CDK19: variants seen among roughly 807,000 people sequenced by gnomAD.
CDK19 encodes cyclin-dependent kinase 19.
Under a neutral mutation model 68.3 loss-of-function variants are expected in CDK19, and 20 were observed. The observed-to-expected ratio is 0.29, with a 90% confidence interval of 0.21 to 0.43. The LOEUF (loss-of-function observed/expected upper bound fraction) is 0.43, where lower values mean the gene tolerates loss of function less well. Among genes scored for constraint, CDK19 ranks in the 20% least tolerant of loss-of-function variants. CDK19 has a pLI of 1.00. For missense variants in CDK19, 339 were observed against 623.5 expected (o/e 0.54, Z 4.86); for synonymous variants, 221 against 222.8 (o/e 0.99, Z 0.07).
intron 1 of CDK19, among the ~76,000 whole-genome samples, chr6:110,792,691 C>T (rs1021825140): frequency 3.3e-5 from 5 of 152,196 alleles, no homozygotes; most frequent in African/African-American, 1.2e-4. Flanking sequence ...ATGGCGAATA[C>T]TTTTTTATAA....
chr6:110,692,496 T>C (rs1773090371), intron 2 of CDK19, among the ~76,000 whole-genome samples: 1 of 151,226 alleles, frequency 6.6e-6, no homozygotes, highest in Non-Finnish European at 1.5e-5. Flanking sequence ...TTATGTAAAA[T>C]AGGCAAAGGT....
rs1353149320 is a variant in CDK19 at position 110,739,399 on chromosome 6, C to T, written c.204+6727G>A. Among the ~76,000 whole-genome samples, 3 of 152,090 alleles carry T rather than the reference C, an allele frequency of 2.0e-5. No individual in the cohort carries two copies. In the East Asian group the frequency reaches 5.8e-4, roughly 29 times the overall value. On this transcript the variant is annotated intron_variant, in intron 2 of 12. Coordinates refer to ENST00000368911, the MANE Select transcript of CDK19 (RefSeq NM_015076.5). ...TGAATGGGCCAGACACTGAATGGGCCTTGATCCTGGACTTCCCAGCCTCCA... is the reference window on the plus strand; with the variant it reads ...TGAATGGGCCAGACACTGAATGGGCTTTGATCCTGGACTTCCCAGCCTCCA...
intron 1 of CDK19, among the ~76,000 whole-genome samples, chr6:110,781,184 G>A (rs1780788521): frequency 1.3e-5 from 2 of 152,120 alleles, no homozygotes; most frequent in African/African-American, 4.8e-5. Flanking sequence ...TAAGAAACAT[G>A]GCACCAGCAT....
intron 1 of CDK19, among the ~76,000 whole-genome samples, chr6:110,788,399 C>A (rs1271602980): frequency 6.6e-6 from 1 of 152,030 alleles, no homozygotes; most frequent in Non-Finnish European, 1.5e-5. Flanking sequence ...CTCAAGAGAT[C>A]CTCCTGCCTC....
At chr6:110,669,924 G>A (rs947241716) in intron 3 of CDK19, among the ~76,000 whole-genome samples, 4 of 151,960 alleles carry the variant, frequency 2.6e-5, no homozygotes, top group African/African-American at 4.8e-5. Context: ...TTGGGAGGCC[G>A]AGGTGAGCAG....
chr6:110,716,402 A>C (rs1356534624), intron 2 of CDK19, among the ~76,000 whole-genome samples: 1 of 152,112 alleles, frequency 6.6e-6, no homozygotes, highest in East Asian at 1.9e-4. Flanking sequence ...TATTTTATCA[A>C]ACTTTAATTG....
At chr6:110,643,366 A>T in intron 4 of CDK19, 4 of 372,922 alleles carry the variant, frequency 1.1e-5, no homozygotes, top group South Asian at 8.6e-5. Flanking sequence ...AACTATGGTA[A>T]CATCAGATAA....
chr6:110,617,967 T>G (rs762383869), intron 12 of CDK19, among the ~76,000 whole-genome samples: 1 of 146,590 alleles, frequency 6.8e-6, no homozygotes, highest in Non-Finnish European at 1.5e-5. Flanking sequence ...AATCACACAC[T>G]CACCAGCACC....
At chr6:110,682,375 TAGG>T (rs1772093020) in intron 2 of CDK19, among the ~76,000 whole-genome samples, 1 of 152,296 alleles carries the variant, frequency 6.6e-6, no homozygotes, top group South Asian at 2.1e-4. Context: ...TTATGGCAAA[TAGG>T]AGATTTGCCT....
chr6:110,790,390 C>G (rs1781506024), intron 1 of CDK19, among the ~76,000 whole-genome samples: 1 of 152,014 alleles, frequency 6.6e-6, no homozygotes, highest in Admixed American at 6.6e-5. Flanking sequence ...GAAAAATTAG[C>G]CCAGCGTGGT....
At chr6:110,814,927 T>C (rs771273599) in intron 1 of CDK19, 82 bp downstream of exon 1, 25 of 1,574,014 alleles carry the variant, frequency 1.6e-5, no homozygotes, top group Middle Eastern at 1.7e-4. Context: ...ACGGCCCGAC[T>C]GGGATCCGAC....
chr6:110,650,502 C>T (rs151252399), intron 4 of CDK19, among the ~76,000 whole-genome samples: 4 of 152,092 alleles, frequency 2.6e-5, no homozygotes, highest in Admixed American at 6.5e-5. Flanking sequence ...CATATAATAA[C>T]AAAGACAAAA....
At chr6:110,696,437 C>T (rs1040133654) in intron 2 of CDK19, among the ~76,000 whole-genome samples, 2 of 152,180 alleles carry the variant, frequency 1.3e-5, no homozygotes, top group Non-Finnish European at 2.9e-5. Context: ...AAAACTGGAA[C>T]AAGACAAGGA....
intron 2 of CDK19, among the ~76,000 whole-genome samples, chr6:110,737,011 C>T (rs1411878215): frequency 6.6e-6 from 1 of 152,168 alleles, no homozygotes; most frequent in Non-Finnish European, 1.5e-5. Flanking sequence ...TACTGATGTA[C>T]TCAGTAGGGA....
At chr6:110,794,705 A>G (rs540144935) in intron 1 of CDK19, among the ~76,000 whole-genome samples, 3 of 152,022 alleles carry the variant, frequency 2.0e-5, no homozygotes, top group South Asian at 2.1e-4. Flanking sequence ...GCCTGGCCTG[A>G]TATTTTTTAA....
At chr6:110,648,065 G>A (rs1780722966) in intron 4 of CDK19, among the ~76,000 whole-genome samples, 1 of 152,040 alleles carries the variant, frequency 6.6e-6, no homozygotes, top group African/African-American at 2.4e-5. Flanking sequence ...AGTTAGGCTA[G>A]AAAAAATCTA....
chr6:110,768,978 C>T (rs1779786545), intron 1 of CDK19, among the ~76,000 whole-genome samples: 1 of 151,030 alleles, frequency 6.6e-6, no homozygotes, highest in African/African-American at 2.4e-5. Flanking sequence ...CATGACGAAA[C>T]CCCATCTCTA....
chr6:110,722,972 T>C (rs186573641), intron 2 of CDK19, among the ~76,000 whole-genome samples: 134 of 152,254 alleles, frequency 8.8e-4, no homozygotes, highest in Non-Finnish European at 1.6e-3. Context: ...GAATGTCTTT[T>C]CTAAAGATGG....
intron 2 of CDK19, among the ~76,000 whole-genome samples, chr6:110,744,854 A>G (rs1777963393): frequency 6.6e-6 from 1 of 152,102 alleles, no homozygotes; most frequent in Admixed American, 6.5e-5. Context: ...GAGATTTCCC[A>G]CCCCATGTGT....
Sources: gnomAD v4.1 joint callset for allele counts (sites outside exome capture counted in the v4.1 genomes callset) on GRCh38, gnomAD v4.1.1 for gene constraint, MANE v1.5 for transcripts, NCBI Gene and HGNC (gene_info 2026-07-23, HGNC 2026-07-21) for gene names.